The following NFIB variants were observed in gnomAD, a reference collection of about 807,000 sequenced individuals.
NFIB encodes nuclear factor 1 B-type.
A neutral mutation model predicts 61.5 loss-of-function variants in NFIB; 11 were observed. The observed-to-expected ratio is 0.18, with a 90% CI of 0.11 to 0.30. The LOEUF is 0.30. NFIB is among the 10% of genes least tolerant of loss of function. The pLI is 1.00. For missense variants in NFIB, 471 were observed against 608.9 expected, an observed-to-expected ratio of 0.77 and a Z score of 2.38; for synonymous variants, 260 against 216.5, an observed-to-expected ratio of 1.20 and a Z score of -1.76.
the NFIB span, among the ~76,000 whole-genome samples, chr9:14,439,768 T>C: frequency 1.4e-4 from 22 of 151,930 alleles, no homozygotes; most frequent in African/African-American, 3.9e-4. Flanking sequence ...ATTCCAGAGA[T>C]AGGGACATGA....
chr9:14,269,664 A>C (rs749898483), intron 2 of NFIB, among the ~76,000 whole-genome samples: 2 of 152,194 alleles, frequency 1.3e-5, no homozygotes, highest in Non-Finnish European at 2.9e-5. Context: ...CCCTCAGTAC[A>C]ATTCACATCA....
chr9:14,231,135 A>AAATCTATATATATAT (rs55959148), intron 2 of NFIB, among the ~76,000 whole-genome samples: 1 of 35,344 alleles, frequency 2.8e-5, no homozygotes, highest in Non-Finnish European at 5.4e-5. Context: ...AAAAAAAAAA[A>AAATCTATATATATAT]ATATATATAT....
rs150666622 is a variant in NFIB, at chr9:14,258,402, C to T, written c.562+48587G>A. Among the ~76,000 whole-genome samples the T allele has an allele frequency of 1.1e-3, 173 of 152,338 alleles. 1 individual carries two copies. The highest frequency in any genetic ancestry group is 4.1e-3 in the African/African-American group (169 of 41,584). On this transcript the variant is annotated intron_variant, in intron 2 of 10. Coordinates refer to ENST00000380953, the MANE Select transcript of NFIB (RefSeq NM_001190737.2). Reference sequence around the variant, plus strand: ...ATTTCTACACATCTGGAGTATGTGGCCCTGTGCTGCCTTTCCAGGCCTGCT... The same window carrying T: ...ATTTCTACACATCTGGAGTATGTGGTCCTGTGCTGCCTTTCCAGGCCTGCT...
the NFIB span, among the ~76,000 whole-genome samples, chr9:14,492,959 G>C: frequency 6.6e-6 from 1 of 152,270 alleles, no homozygotes; most frequent in Non-Finnish European, 1.5e-5. Context: ...CCTACTGTTT[G>C]ATGAGGAATG....
chr9:14,231,539 T>A (rs2053194681), intron 2 of NFIB, among the ~76,000 whole-genome samples: 1 of 152,118 alleles, frequency 6.6e-6, no homozygotes, highest in Admixed American at 6.6e-5. Context: ...GAAAGAAAAG[T>A]GCTAAGTAAA....
chr9:14,214,078 C>G (rs1455258685), intron 2 of NFIB, among the ~76,000 whole-genome samples: 1 of 152,132 alleles, frequency 6.6e-6, no homozygotes, highest in East Asian at 1.9e-4. Flanking sequence ...CTTTATTACT[C>G]CCCACTCTGC....
At chr9:14,272,132 T>C (rs2057669230) in intron 2 of NFIB, among the ~76,000 whole-genome samples, 1 of 152,166 alleles carries the variant, frequency 6.6e-6, no homozygotes, top group Admixed American at 6.6e-5. Flanking sequence ...TTTCATACTA[T>C]TAAAAGGCGC....
the NFIB span, among the ~76,000 whole-genome samples, chr9:14,458,946 G>A: frequency 6.6e-6 from 1 of 152,014 alleles, no homozygotes; most frequent in Non-Finnish European, 1.5e-5. Context: ...TACTGCCCAA[G>A]GTAATTTATA....
chr9:14,267,381 T>G (rs2057286875), intron 2 of NFIB, among the ~76,000 whole-genome samples: 1 of 152,190 alleles, frequency 6.6e-6, no homozygotes, highest in Non-Finnish European at 1.5e-5. Context: ...TTATGAAAGG[T>G]TAACCTGTCC....
At chr9:14,115,270 G>T (rs1049413443) in intron 9 of NFIB, among the ~76,000 whole-genome samples, 1 of 147,674 alleles carries the variant, frequency 6.8e-6, no homozygotes, top group African/African-American at 2.6e-5. Context: ...CAAGATCATG[G>T]GGATTTTCTT....
intron 2 of NFIB, among the ~76,000 whole-genome samples, chr9:14,243,817 T>G (rs2054598889): frequency 1.3e-5 from 2 of 152,114 alleles, no homozygotes; most frequent in South Asian, 4.1e-4. Context: ...GGGAGTAAAA[T>G]GACTGAGTGA....
intron 2 of NFIB, among the ~76,000 whole-genome samples, chr9:14,186,972 T>C (rs986349624): frequency 1.4e-5 from 2 of 147,148 alleles, no homozygotes; most frequent in Non-Finnish European, 1.5e-5. Context: ...GGAAATGGTT[T>C]CTCTCTCTCT....
Position 14,085,154 on chromosome 9 carries a change from C to T in NFIB, c.*3155G>A. 4.4e-6 allele frequency: 1 copy of T among 229,448 alleles called. No homozygotes were observed. The highest frequency in any genetic ancestry group is 1.8e-4 in the South Asian group (1 of 5,496). 14.2% of individuals were successfully genotyped at this position (229,448 alleles called of 1,614,324 possible). A position where few individuals can be genotyped will look rare whatever the true frequency, so the allele number is the denominator to read the frequency against. On this transcript the variant is annotated 3_prime_UTR_variant, in exon 11 of 11. Transcript: ENST00000380953. ...GCTAGGATCCCGCTGTGCTGTTCAGCATTTGGGCTATCAAACTGAATGGGC... is the reference window on the plus strand; with the variant it reads ...GCTAGGATCCCGCTGTGCTGTTCAGTATTTGGGCTATCAAACTGAATGGGC...
Position 14,120,410 on chromosome 9 carries a change from T to G in NFIB, c.1245+30A>C. 1 of 1,607,292 alleles carries G rather than the reference T, an allele frequency of 6.2e-7. No individual in the cohort carries two copies. Among genetic ancestry groups the G allele is most frequent in the Non-Finnish European group, 8.5e-7 (1 of 1,174,200 alleles). The stretch of plus-strand genomic sequence containing the variant: ...TTAGATCTGTCCCATCTCCCTTAGG[T>G]GCTAATCTTATTTTCTCTCTTATTT... On this transcript the variant is annotated intron_variant, in intron 8 of 10. Transcript: ENST00000380953. The surrounding 1 kb of genome is among the most constrained non-coding windows in gnomAD (Gnocchi z 4.4).
the NFIB span, among the ~76,000 whole-genome samples, chr9:14,458,936 T>C: frequency 1.1e-4 from 16 of 152,048 alleles, no homozygotes; most frequent in Non-Finnish European, 2.2e-4. Context: ...AAAATGGCCA[T>C]ACTGCCCAAG....
chr9:14,511,460 G>A, the NFIB span, among the ~76,000 whole-genome samples: 3 of 151,850 alleles, frequency 2.0e-5, no homozygotes, highest in Admixed American at 6.6e-5. Flanking sequence ...CAACTATTGA[G>A]TGCTTATTAT....
chr9:14,315,024 G>T (rs997740542), upstream of NFIB, among the ~76,000 whole-genome samples: 1 of 151,928 alleles, frequency 6.6e-6, no homozygotes, highest in East Asian at 2.0e-4. Context: ...GCTGGGGCGC[G>T]GACACTCGCA....
At chr9:14,130,350 G>A (rs983053338) in intron 6 of NFIB, among the ~76,000 whole-genome samples, 3 of 152,096 alleles carry the variant, frequency 2.0e-5, no homozygotes, top group African/African-American at 4.8e-5. Flanking sequence ...TTAACTCTGT[G>A]CCATCCCTGA....
intron 10 of NFIB, among the ~76,000 whole-genome samples, chr9:14,102,927 A>G (rs541307521): frequency 3.3e-5 from 5 of 152,318 alleles, no homozygotes; most frequent in Non-Finnish European, 5.9e-5. Context: ...TTAAGCATGC[A>G]GTTTGCAAAA....
Sources: gnomAD v4.1 joint callset for allele counts (sites outside exome capture counted in the v4.1 genomes callset) on GRCh38, gnomAD v4.1.1 for gene constraint, Gnocchi (gnomAD v3.1) non-coding constraint, MANE v1.5 for transcripts, NCBI Gene and HGNC (gene_info 2026-07-23, HGNC 2026-07-21) for gene names.